Variants in TKT observed in about 807,000 individuals in gnomAD.
The protein encoded by TKT is epididymis luminal protein 107.
TKT carries 47 observed loss-of-function variants against 63.9 expected under a neutral mutation model. That is an observed-to-expected ratio of 0.74 (90% CI 0.58 to 0.94). TKT has a LOEUF of 0.94. TKT is among the 40% of genes least tolerant of loss of function. The pLI, the probability that TKT is intolerant of heterozygous loss-of-function variation, is 0.00. For missense variants in TKT, 721 were observed against 846.2 expected, an observed-to-expected ratio of 0.85 and a Z score of 1.84; for synonymous variants, 338 against 334.1, an observed-to-expected ratio of 1.01 and a Z score of -0.13.
At chr3:53,239,005 C>G (rs1705155767) in intron 4 of TKT, among the ~76,000 whole-genome samples, 1 of 152,188 alleles carries the variant, frequency 6.6e-6, no homozygotes, top group Admixed American at 6.5e-5. Context: ...GTGGGAGGGG[C>G]CCAGCAGGAG....
chr3:53,246,501 G>C (rs1705510501), intron 1 of TKT, among the ~76,000 whole-genome samples: 1 of 152,146 alleles, frequency 6.6e-6, no homozygotes, highest in Non-Finnish European at 1.5e-5. Context: ...CAGTGCAGAA[G>C]GATCTGTTTA....
chr3:53,235,144 C>G lies in TKT; in HGVS notation c.468G>C (p.Gly156=), dbSNP rs1174836890. 3.1e-6 allele frequency: 5 copies of G among 1,612,910 alleles called. No individual in the cohort carries two copies. Among genetic ancestry groups the G allele is most frequent in the Non-Finnish European group, 4.2e-6 (5 of 1,179,632 alleles). Residue 156 remains glycine (G), a synonymous_variant, in exon 5 of 14, where the codon GGG becomes GGC. Coordinates refer to ENST00000462138, the MANE Select transcript of TKT (RefSeq NM_001064.4). ...CCCATACAGAGCCCTCTGACAGCTCCCCGTCTCCCAGCAAGCAATAGACTC... is the reference window on the plus strand; with the variant it reads ...CCCATACAGAGCCCTCTGACAGCTCGCCGTCTCCCAGCAAGCAATAGACTC... ...SYRVYCLLGD[G]ELSEGSVWEA... is the part of the protein sequence containing the mutation.
intron 1 of TKT, among the ~76,000 whole-genome samples, chr3:53,249,227 C>T (rs1319657902): frequency 6.6e-6 from 1 of 151,196 alleles, no homozygotes; most frequent in Admixed American, 6.6e-5. Flanking sequence ...ACCTTGGCCT[C>T]CCAAAGTGCT....
In TKT at chr3:53,240,273, C is replaced by A; in HGVS notation, c.415G>T (p.Gly139Cys). 6.2e-7 allele frequency: 1 copy of A among 1,612,954 alleles called. No homozygotes were observed. Among genetic ancestry groups the A allele is most frequent in the South Asian group, 1.1e-5 (1 of 90,966 alleles). Residue 139 changes from glycine to cysteine, a missense_variant, in exon 4 of 14, where the codon GGC becomes TGC. Gly to Cys is a radical substitution (Grantham distance 159). Transcript: ENST00000462138. The part of the protein sequence containing the change: ...LGAACGMAYT[G>C]KYFDKASYRV... The stretch of plus-strand genomic sequence containing the variant: ...TACCTGGCCTTGTCGAAGTATTTGC[C>A]GGTGTAGGCCATCCCACAAGCGGCC...
chr3:53,230,168 A>G (rs569061492), intron 8 of TKT, among the ~76,000 whole-genome samples: 1 of 152,110 alleles, frequency 6.6e-6, no homozygotes, highest in Admixed American at 6.5e-5. Flanking sequence ...CCTGGAAGAG[A>G]CCCCATTCAC....
chr3:53,228,028 G>C, intron 12 of TKT, 28 bp downstream of exon 12: 1 of 1,604,700 alleles, frequency 6.2e-7, no homozygotes, highest in Non-Finnish European at 8.5e-7. Context: ...CCGCTCAGTT[G>C]ATGACTTTGG....
At chr3:53,233,974 G>A (rs1476498371) in intron 5 of TKT, 1 of 152,216 alleles carries the variant, frequency 6.6e-6, no homozygotes, top group Non-Finnish European at 1.5e-5. Context: ...CGTGACCCAC[G>A]CCACAAAGCA....
Position 53,228,380 on chromosome 3 carries a change from C to G in TKT, c.1396-21G>C, listed in dbSNP as rs782111429. 3.7e-6 allele frequency: 6 copies of G among 1,613,418 alleles called. No individual in the cohort carries two copies. In the South Asian group the frequency reaches 6.6e-5, roughly 18 times the overall value. On this transcript the variant is annotated intron_variant, in intron 10 of 13. Transcript: ENST00000462138. ...ATACCCTGAGACCGAAACAGATAAA[C>G]TGAGGATACAGGATGTGGCACACCC...
At chr3:53,245,528 A>G (rs1705468399) in intron 1 of TKT, among the ~76,000 whole-genome samples, 1 of 152,092 alleles carries the variant, frequency 6.6e-6, no homozygotes, top group African/African-American at 2.4e-5. Context: ...TCACACCCGT[A>G]ATTCCAGCAC....
rs782537033 is a variant in TKT, at chr3:53,226,724, T to C, written c.1696+32A>G. The C allele has an allele frequency of 4.3e-6, 7 of 1,613,804 alleles. No homozygotes were observed. In the Admixed American group the frequency reaches 6.7e-5, roughly 15 times the overall value. On this transcript the variant is annotated intron_variant, in intron 13 of 13. Transcript: ENST00000462138. ...ACGCTCGGCTCTCTGGCCCTGTCCC[T>C]TGCCCAGCCTGCCTGCCCCAGGCCT...
chr3:53,250,857 C>A (rs1450870572), intron 1 of TKT, among the ~76,000 whole-genome samples: 1 of 152,144 alleles, frequency 6.6e-6, no homozygotes, highest in Non-Finnish European at 1.5e-5. Flanking sequence ...TCATAACTCA[C>A]TGCAGCCTTG....
chr3:53,240,307 C>T lies in TKT; in HGVS notation c.381G>A (p.Gln127=), dbSNP rs139473826. The part of the protein sequence containing the change: ...FTDVATGSLG[Q]GLGAACGMAY... ...CCATCCCACAAGCGGCCCCGAGGCCCTGGCCCAGGGAGCCAGTGGCCACGT... is the reference window on the plus strand; with the variant it reads ...CCATCCCACAAGCGGCCCCGAGGCCTTGGCCCAGGGAGCCAGTGGCCACGT... Residue 127 remains glutamine (Q), a synonymous_variant, in exon 4 of 14, where the codon CAG becomes CAA. Coordinates refer to ENST00000462138, the MANE Select transcript of TKT (RefSeq NM_001064.4). 2.7e-5 allele frequency: 44 copies of T among 1,613,208 alleles called. No individual in the cohort carries two copies. The African/African-American group carries it at 4.1e-4, about 15-fold the overall frequency.
At position 53,233,285 on chromosome 3, in the gene TKT, G is replaced by A. The variant is rs369203061; in HGVS notation, c.630-11C>T. 2,464 of 1,602,690 alleles carry A rather than the reference G, an allele frequency of 1.5e-3. 51 individuals carry two copies. The South Asian group carries it at 0.026, about 17-fold the overall frequency. Reference sequence around the variant, plus strand: ...ATGATGGCATGCCAACTGGGGACAGGGGGCAGAGAGTAAGGGGCAATTCCC... The same window carrying A: ...ATGATGGCATGCCAACTGGGGACAGAGGGCAGAGAGTAAGGGGCAATTCCC... On this transcript the variant is annotated splice_polypyrimidine_tract_variant and intron_variant, in intron 5 of 13. Coordinates refer to ENST00000462138, the MANE Select transcript of TKT (RefSeq NM_001064.4).
At position 53,255,895 on chromosome 3, in the gene TKT, CT is replaced by C; in HGVS notation, c.47del (p.Lys16ArgfsTer83). On this transcript the variant is annotated frameshift_variant, in exon 1 of 14. Coordinates refer to ENST00000462138, the MANE Select transcript of TKT (RefSeq NM_001064.4). LOFTEE classifies it high-confidence loss of function. ...KPDQQKLQAL[K>X]DTANRLRISS... ...TGATACGTAGGCGGTTGGCCGTGTCCTTCAAGGCCTGCAGCTTCTGCTGGTC... is the reference window on the plus strand; with the variant it reads ...TGATACGTAGGCGGTTGGCCGTGTCCTCAAGGCCTGCAGCTTCTGCTGGTC... 1 of 1,549,650 alleles carries C rather than the reference CT, an allele frequency of 6.5e-7. No homozygotes were observed. The highest frequency in any genetic ancestry group is 8.7e-7 in the Non-Finnish European group (1 of 1,148,424).
At chr3:53,239,283 T>C (rs781847119) in intron 4 of TKT, among the ~76,000 whole-genome samples, 14 of 152,088 alleles carry the variant, frequency 9.2e-5, no homozygotes, top group Non-Finnish European at 2.1e-4. Context: ...AACAGACTAA[T>C]ACAGTGATTA....
In TKT at chr3:53,228,064, A is replaced by C; in HGVS notation, c.1565T>G (p.Leu522Arg). The change falls in exon 12 of 14, where the codon CTG becomes CGG. Residue 522 changes from leucine (L) to arginine (R), a missense_variant. Coordinates refer to ENST00000462138, the MANE Select transcript of TKT (RefSeq NM_001064.4). ...LHEALAAAELLKKEKINIRVL... is the reference protein window; with the variant it reads ...LHEALAAAELRKKEKINIRVL... ...AGGCCCCTTCTCCTCACCTTTCTTCAGCAGTTCGGCAGCGGCCAAGGCCTC... is the reference window on the plus strand; with the variant it reads ...AGGCCCCTTCTCCTCACCTTTCTTCCGCAGTTCGGCAGCGGCCAAGGCCTC... The C allele has an allele frequency of 1.2e-6, 2 of 1,612,592 alleles. No homozygotes were observed. Among genetic ancestry groups the C allele is most frequent in the Non-Finnish European group, 1.7e-6 (2 of 1,179,928 alleles).
At chr3:53,234,958 A>G (rs1553678137) in intron 5 of TKT, 25 bp downstream of exon 5, 12 of 1,587,474 alleles carry the variant, frequency 7.6e-6, no homozygotes, top group Non-Finnish European at 1.0e-5. Flanking sequence ...CTGTGACCAC[A>G]CTCAGGCCAC....
At chr3:53,253,141 C>G (rs1269358989) in intron 1 of TKT, among the ~76,000 whole-genome samples, 1 of 151,972 alleles carries the variant, frequency 6.6e-6, no homozygotes, top group African/African-American at 2.4e-5. Flanking sequence ...TGCGCCTGGC[C>G]GAAACATTAT....
intron 1 of TKT, among the ~76,000 whole-genome samples, chr3:53,251,005 A>G (rs551999757): frequency 1.3e-5 from 2 of 152,220 alleles, no homozygotes; most frequent in Admixed American, 1.3e-4. Context: ...TCCCAGGCTC[A>G]AGCAATCCTC....
Sources: gnomAD v4.1 joint callset for allele counts (sites outside exome capture counted in the v4.1 genomes callset) on GRCh38, gnomAD v4.1.1 for gene constraint, MANE v1.5 for transcripts, NCBI Gene and HGNC (gene_info 2026-07-23, HGNC 2026-07-21) for gene names.